Variants in SNX6 observed in about 807,000 individuals in gnomAD.
The protein encoded by SNX6 is sorting nexin 6.
A neutral mutation model predicts 63.0 loss-of-function variants in SNX6; 34 were observed. The ratio of observed to expected loss-of-function variants is 0.54; its 90% CI spans 0.41 to 0.72. The LOEUF is 0.72. SNX6 is among the 30% of genes least tolerant of loss of function. The pLI, the probability that SNX6 is intolerant of heterozygous loss-of-function variation, is 0.00. For missense variants in SNX6, 398 were observed against 471.4 expected (o/e 0.84, Z 1.44); for synonymous variants, 170 against 164.2 (o/e 1.04, Z -0.27).
intron 5 of SNX6, chr14:34,603,993 A>T: frequency 1.9e-6 from 1 of 537,234 alleles, no homozygotes; most frequent in Non-Finnish European, 2.5e-6. Flanking sequence ...AAATGTGTTT[A>T]AAATATTTTA....
At chr14:34,567,172 TCAAAA>T (rs748875006) in intron 13 of SNX6, among the ~76,000 whole-genome samples, 1 of 150,474 alleles carries the variant, frequency 6.6e-6, no homozygotes, top group Non-Finnish European at 1.5e-5. Flanking sequence ...TGCGGAGGTC[TCAAAA>T]CAAAACAAAA....
intron 3 of SNX6, among the ~76,000 whole-genome samples, chr14:34,609,006 T>C (rs1245768961): frequency 6.6e-6 from 1 of 152,060 alleles, no homozygotes; most frequent in African/African-American, 2.4e-5. Flanking sequence ...CACTCCAGCC[T>C]GGATGACAGA....
chr14:34,617,092 T>A (rs1883444751), intron 2 of SNX6, among the ~76,000 whole-genome samples: 1 of 151,842 alleles, frequency 6.6e-6, no homozygotes, highest in Non-Finnish European at 1.5e-5. Flanking sequence ...GTTAAAAAAA[T>A]TTAATCAACT....
At chr14:34,568,776 T>C (rs1345223386) in intron 11 of SNX6, 9 of 936,932 alleles carry the variant, frequency 9.6e-6, no homozygotes, top group South Asian at 2.6e-5. Context: ...GGCCCCCATC[T>C]TGGTCCTTTT....
At chr14:34,616,049 G>C (rs1006513806) in intron 2 of SNX6, among the ~76,000 whole-genome samples, 1 of 152,162 alleles carries the variant, frequency 6.6e-6, no homozygotes, top group Non-Finnish European at 1.5e-5. Context: ...TCCACCTCCA[G>C]GGTTCAAGTG....
intron 10 of SNX6, among the ~76,000 whole-genome samples, chr14:34,579,864 C>A (rs887311235): frequency 2.0e-5 from 3 of 151,134 alleles, no homozygotes; most frequent in African/African-American, 7.3e-5. Flanking sequence ...ACATGTTGCA[C>A]ATGCATTTAT....
Position 34,569,650 on chromosome 14 carries a change from G to T in SNX6, c.922-1637C>A, listed in dbSNP as rs78898761. Among the ~76,000 whole-genome samples the T allele has an allele frequency of 6.5e-3, 993 of 152,166 alleles. 11 individuals are homozygous for T. Among genetic ancestry groups the T allele is most frequent in the African/African-American group, 0.023 (952 of 41,520 alleles). ...CCTATTCTGGACATTTCATAAAAAT[G>T]GAATAGTGTGATTTTTGTGCCTAGC... On this transcript the variant is annotated intron_variant, in intron 11 of 13. Transcript: ENST00000362031.
chr14:34,584,082 G>A (rs1218862779), intron 9 of SNX6, among the ~76,000 whole-genome samples: 3 of 151,984 alleles, frequency 2.0e-5, no homozygotes, highest in African/African-American at 7.2e-5. Context: ...CCTGACCTCA[G>A]GTGATTCACC....
At chr14:34,609,348 G>A (rs1883134486) in intron 3 of SNX6, among the ~76,000 whole-genome samples, 1 of 151,688 alleles carries the variant, frequency 6.6e-6, no homozygotes, top group Non-Finnish European at 1.5e-5. Context: ...GGACATGGTG[G>A]TGGACGCCTG....
chr14:34,601,715 C>G (rs968390806), intron 6 of SNX6, among the ~76,000 whole-genome samples: 3 of 151,960 alleles, frequency 2.0e-5, no homozygotes, highest in African/African-American at 7.2e-5. Flanking sequence ...CTGTCTTAGC[C>G]TCCCGAGTAG....
intron 5 of SNX6, among the ~76,000 whole-genome samples, chr14:34,604,441 A>C (rs1398825271): frequency 6.6e-6 from 1 of 152,190 alleles, no homozygotes; most frequent in Non-Finnish European, 1.5e-5. Flanking sequence ...TTATCTTTTC[A>C]AGAGTTTAGC....
chr14:34,601,138 C>A (rs913233609), intron 6 of SNX6, among the ~76,000 whole-genome samples: 2 of 152,160 alleles, frequency 1.3e-5, no homozygotes, highest in Non-Finnish European at 2.9e-5. Flanking sequence ...AGCTCAATCA[C>A]CTCCTTGGAA....
intron 6 of SNX6, among the ~76,000 whole-genome samples, chr14:34,601,211 C>T (rs1343414690): frequency 6.6e-6 from 1 of 150,414 alleles, no homozygotes; most frequent in East Asian, 1.9e-4. Flanking sequence ...AATGTGATAA[C>T]CCTATTTCTT....
At chr14:34,630,061 C>A in intron 1 of SNX6, 50 bp downstream of exon 1, 1 of 1,459,240 alleles carries the variant, frequency 6.9e-7, no homozygotes, top group Admixed American at 2.9e-5. Flanking sequence ...CGCCCCGCGC[C>A]CGCTGCCCCC....
intron 10 of SNX6, among the ~76,000 whole-genome samples, chr14:34,576,444 ATATATATATTTT>A (rs1323296584): frequency 2.3e-4 from 3 of 13,090 alleles, no homozygotes; most frequent in Non-Finnish European, 1.1e-3. Flanking sequence ...CCATATATAT[ATATATATATTTT>A]TTTTTTTTTT....
Position 34,562,976 on chromosome 14 carries a change from A to T in SNX6, c.*146T>A. On this transcript the variant is annotated 3_prime_UTR_variant, in exon 14 of 14. Coordinates refer to ENST00000362031, the MANE Select transcript of SNX6 (RefSeq NM_152233.4). ...GCATCGCCTGGGCGTGCGCTGCTCC[A>T]TGTTTCTCAGAAAAAGAGGAGTTGA... 1.3e-6 allele frequency: 1 copy of T among 763,366 alleles called. No homozygotes were observed. Among genetic ancestry groups the T allele is most frequent in the Non-Finnish European group, 2.2e-6 (1 of 456,544 alleles). The allele number at this position is 763,366 out of a possible 1,614,324, so 47.3% of individuals were successfully genotyped here. A position where few individuals can be genotyped will look rare whatever the true frequency, so the allele number is the denominator to read the frequency against.
At chr14:34,630,042 C>T in intron 1 of SNX6, 69 bp downstream of exon 1, 2 of 1,442,794 alleles carry the variant, frequency 1.4e-6, no homozygotes, top group Non-Finnish European at 1.8e-6. Context: ...CTGGCGCGGT[C>T]CCCGCGCCCG....
At chr14:34,630,083 G>C in intron 1 of SNX6, 28 bp downstream of exon 1, 2 of 1,451,630 alleles carry the variant, frequency 1.4e-6, no homozygotes, top group Non-Finnish European at 1.8e-6. Context: ...CCGCGCTCCC[G>C]GGACTCGGCG....
At chr14:34,627,797 T>G (rs898435038) in intron 2 of SNX6, among the ~76,000 whole-genome samples, 2 of 151,306 alleles carry the variant, frequency 1.3e-5, no homozygotes, top group African/African-American at 2.4e-5. Context: ...GTCTTAAAAT[T>G]TTTAGGTACA....
Sources: allele counts gnomAD v4.1 joint callset (sites outside exome capture counted in the v4.1 genomes callset), GRCh38; gene constraint gnomAD v4.1.1; transcripts MANE v1.5; gene names NCBI Gene and HGNC (gene_info 2026-07-23, HGNC 2026-07-21).